TTLL5: variants seen among roughly 807,000 people sequenced by gnomAD.
The protein encoded by TTLL5 is tubulin tyrosine ligase like 5.
Under a neutral mutation model 168.4 loss-of-function variants are expected in TTLL5, and 132 were observed. The ratio of observed to expected loss-of-function variants is 0.78; its 90% CI spans 0.68 to 0.91. TTLL5 has a LOEUF of 0.91. Among genes scored for constraint, TTLL5 ranks in the 40% least tolerant of loss-of-function variants. The pLI is 0.00. For synonymous variants in TTLL5, 546 were observed against 558.6 expected, an observed-to-expected ratio of 0.98 and a Z score of 0.32; for missense variants, 1,545 against 1,581.5, an observed-to-expected ratio of 0.98 and a Z score of 0.39.
chr14:75,925,752 C>T (rs1302335338), intron 31 of TTLL5, among the ~76,000 whole-genome samples: 1 of 152,020 alleles, frequency 6.6e-6, no homozygotes, highest in Non-Finnish European at 1.5e-5. Flanking sequence ...GCACTCCAGC[C>T]TGGGCACCAT....
intron 9 of TTLL5, chr14:75,711,760 T>A (rs1041594301): frequency 1.3e-5 from 2 of 152,312 alleles, no homozygotes; most frequent in African/African-American, 4.8e-5. Flanking sequence ...GTAGTGCCTT[T>A]CCCTTTCTCC....
chr14:75,887,552 G>C (rs983197879), intron 30 of TTLL5, among the ~76,000 whole-genome samples: 2 of 152,090 alleles, frequency 1.3e-5, no homozygotes, highest in African/African-American at 4.8e-5. Flanking sequence ...AAATGTTTTT[G>C]GTAGAAGATA....
chr14:75,701,411 C>T (rs1191979300), intron 7 of TTLL5, among the ~76,000 whole-genome samples: 2 of 152,154 alleles, frequency 1.3e-5, no homozygotes, highest in Admixed American at 6.5e-5. Context: ...TGGGTTTCTA[C>T]TGTGGTTGTG....
At chr14:75,791,785 T>A (rs868207480) in intron 26 of TTLL5, among the ~76,000 whole-genome samples, 34 of 152,328 alleles carry the variant, frequency 2.2e-4, no homozygotes, top group Middle Eastern at 3.4e-3. Flanking sequence ...TGCAGAATGA[T>A]CATTGTTATA....
rs1320742157 is a variant in TTLL5, at chr14:75,738,183, G to T, written c.1281+2894G>T. 2.0e-5 allele frequency among the ~76,000 whole-genome samples: 3 copies of T among 152,114 alleles called. No individual in the cohort carries two copies. In the East Asian group the frequency reaches 5.8e-4, roughly 29 times the overall value. ...CAGCATTTGCTTTCTTACTGTTTTT[G>T]TTAGCAGTATTTGAGATTAACCATT... is the stretch of plus-strand genomic sequence containing the variant. On this transcript the variant is annotated intron_variant, in intron 15 of 31. Coordinates refer to ENST00000298832, the MANE Select transcript of TTLL5 (RefSeq NM_015072.5).
chr14:75,914,017 GAAAAAA>G (rs1201862659), intron 31 of TTLL5, among the ~76,000 whole-genome samples: 4 of 31,056 alleles, frequency 1.3e-4, no homozygotes, highest in South Asian at 2.8e-3. Flanking sequence ...TGTTTAAAAG[GAAAAAA>G]AAAAAAAAAA....
At chr14:75,883,388 A>C (rs975824772) in intron 30 of TTLL5, among the ~76,000 whole-genome samples, 5 of 152,360 alleles carry the variant, frequency 3.3e-5, no homozygotes, top group East Asian at 3.9e-4. Context: ...CCTTCACTGT[A>C]TCTCCAGCCA....
intron 26 of TTLL5, among the ~76,000 whole-genome samples, chr14:75,790,871 C>T (rs1171761166): frequency 2.7e-5 from 4 of 147,514 alleles, no homozygotes; most frequent in Admixed American, 6.8e-5. Flanking sequence ...CCAAGGCAGA[C>T]GGATCACGAG....
rs201028060 is a variant in TTLL5, at chr14:75,759,385, GTCCTGAAAAACTT to G, written c.1551-5225_1551-5213del. On this transcript the variant is annotated intron_variant, in intron 18 of 31. Transcript: ENST00000298832. ...TGTATCTGTTGAGAAAATTGAAATT[GTCCTGAAAAACTT>G]TCCTATAGAGAAAACTCCAGGCTCA... is the stretch of plus-strand genomic sequence containing the variant. Among the ~76,000 whole-genome samples the G allele has an allele frequency of 8.9e-3, 1,362 of 152,194 alleles. 10 individuals are homozygous for G. Among genetic ancestry groups the G allele is most frequent in the South Asian group, 0.02 (98 of 4,824 alleles).
At chr14:75,769,430 C>G (rs921489789) in intron 20 of TTLL5, among the ~76,000 whole-genome samples, 1 of 152,080 alleles carries the variant, frequency 6.6e-6, no homozygotes, top group African/African-American at 2.4e-5. Flanking sequence ...TTTATTCTTT[C>G]ATCTTTTGGG....
chr14:75,868,814 G>A (rs966990241), intron 29 of TTLL5, among the ~76,000 whole-genome samples: 1 of 152,134 alleles, frequency 6.6e-6, no homozygotes, highest in Non-Finnish European at 1.5e-5. Flanking sequence ...GTGTGTTTGT[G>A]TTGTGGAGGA....
intron 27 of TTLL5, among the ~76,000 whole-genome samples, chr14:75,793,686 C>T (rs1209837530): frequency 6.6e-6 from 1 of 152,146 alleles, no homozygotes; most frequent in African/African-American, 2.4e-5. Flanking sequence ...AGGATATTGT[C>T]CTTATGCTAT....
chr14:75,663,145 A>T lies in TTLL5; in HGVS notation c.-5A>T. 6.2e-7 allele frequency: 1 copy of T among 1,613,516 alleles called. No individual in the cohort carries two copies. The highest frequency in any genetic ancestry group is 8.5e-7 in the Non-Finnish European group (1 of 1,179,854). ...CTGCTGACTGCATGACAAACCCTAA[A>T]GGAAATGCCAATCGTGATGGCCCGG... On this transcript the variant is annotated 5_prime_UTR_variant, in exon 2 of 32. The change creates a new upstream start codon in the 5' untranslated region. Coordinates refer to ENST00000298832, the MANE Select transcript of TTLL5 (RefSeq NM_015072.5).
In TTLL5 at chr14:75,796,036, A is replaced by G. The variant is rs147218334; in HGVS notation, c.3171+2936A>G. 8.3e-3 allele frequency among the ~76,000 whole-genome samples: 1,258 copies of G among 152,326 alleles called. 14 individuals carry two copies. Among genetic ancestry groups the G allele is most frequent in the African/African-American group, 0.029 (1,185 of 41,570 alleles). ...TTTTCCATAATGGTTGTACTAGTTT[A>G]CATTCCCACCAACAGTGTAAAAGTG... On this transcript the variant is annotated intron_variant, in intron 27 of 31. Transcript: ENST00000298832.
chr14:75,869,448 A>G (rs928846172), intron 29 of TTLL5, among the ~76,000 whole-genome samples: 5 of 152,150 alleles, frequency 3.3e-5, no homozygotes, highest in Non-Finnish European at 4.4e-5. Flanking sequence ...CCTTATCTCT[A>G]ATTTGAAGAT....
chr14:75,795,081 A>G (rs902892672), intron 27 of TTLL5, among the ~76,000 whole-genome samples: 3 of 152,056 alleles, frequency 2.0e-5, no homozygotes, highest in African/African-American at 7.2e-5. Flanking sequence ...TGGACAGTTC[A>G]TTCTACTCTT....
intron 31 of TTLL5, chr14:75,902,716 T>C: frequency 4.7e-6 from 2 of 429,924 alleles, no homozygotes; most frequent in South Asian, 1.7e-5. Context: ...GACAGGTTGT[T>C]ACTGACAGCC....
chr14:75,690,525 G>A (rs74398025), intron 6 of TTLL5, among the ~76,000 whole-genome samples: 1 of 152,256 alleles, frequency 6.6e-6, no homozygotes, highest in Non-Finnish European at 1.5e-5. Context: ...TATCATTTAT[G>A]TAAGGGCACA....
intron 7 of TTLL5, among the ~76,000 whole-genome samples, chr14:75,704,659 A>G (rs1328787680): frequency 6.7e-5 from 10 of 149,536 alleles, no homozygotes; most frequent in African/African-American, 2.6e-4. Context: ...GGGATTGATG[A>G]AAGGAAACAG....
Sources: gnomAD v4.1 joint callset for allele counts (sites outside exome capture counted in the v4.1 genomes callset) on GRCh38, gnomAD v4.1.1 for gene constraint, MANE v1.5 for transcripts, NCBI Gene and HGNC (gene_info 2026-07-23, HGNC 2026-07-21) for gene names.